GRIK5: variants seen among roughly 807,000 people sequenced by gnomAD.
The protein encoded by GRIK5 is glutamate ionotropic receptor kainate type subunit 5.
A neutral mutation model predicts 97.4 loss-of-function variants in GRIK5; 43 were observed. The ratio of observed to expected loss-of-function variants is 0.44; its 90% CI spans 0.35 to 0.57. The LOEUF is 0.57. Among genes scored for constraint, GRIK5 ranks in the 20% least tolerant of loss-of-function variants. GRIK5 has a pLI of 0.01. For synonymous variants in GRIK5, 580 were observed against 583.5 expected (o/e 0.99, Z 0.09); for missense variants, 1,015 against 1,382.0 (o/e 0.73, Z 4.21).
chr19:42,053,798 C>A (rs772987449), intron 10 of GRIK5, 27 bp downstream of exon 10: 1 of 1,569,694 alleles, frequency 6.4e-7, no homozygotes, highest in Non-Finnish European at 8.8e-7. Context: ...CCCAGCAGGG[C>A]TCTGGCGTCA....
chr19:42,030,767 G>C (rs921386197), intron 12 of GRIK5, among the ~76,000 whole-genome samples: 1 of 152,064 alleles, frequency 6.6e-6, no homozygotes, highest in Non-Finnish European at 1.5e-5. Context: ...TCTGGCAACC[G>C]GCGCTGTTTT....
Position 42,005,883 on chromosome 19 carries a change from G to T in GRIK5, c.2103C>A (p.Phe701Leu). ...NYMQSKQPSVFVKSTEEGIAR... is the reference protein window; with the variant it reads ...NYMQSKQPSVLVKSTEEGIAR... ...CAATGCCCTCTTCTGTGCTCTTGACGAACACGCTGGGCTGCTTCGACTGCA... is the reference window on the plus strand; with the variant it reads ...CAATGCCCTCTTCTGTGCTCTTGACTAACACGCTGGGCTGCTTCGACTGCA... The change falls in exon 17 of 20, where the codon TTC (phenylalanine) becomes TTA (leucine). Residue 701 changes from phenylalanine (F) to leucine (L), a missense_variant. By Grantham distance (22) the Phe-to-Leu change is conservative. Transcript: ENST00000593562. The T allele has an allele frequency of 6.2e-7, 1 of 1,610,688 alleles. No homozygotes were observed. The highest frequency in any genetic ancestry group is 1.1e-5 in the South Asian group (1 of 90,832).
chr19:42,063,034 G>C (rs1274025473), intron 3 of GRIK5, among the ~76,000 whole-genome samples, 179 bp from the exon 4 acceptor site: 4 of 152,202 alleles, frequency 2.6e-5, no homozygotes, highest in East Asian at 1.9e-4. Context: ...GTGAACATGA[G>C]GGGGCATGAG....
At position 42,003,226 on chromosome 19, in the gene GRIK5, G is replaced by T; in HGVS notation, c.2514+106C>A. 1 of 1,029,354 alleles carries T rather than the reference G, an allele frequency of 9.7e-7. No homozygotes were observed. Among genetic ancestry groups the T allele is most frequent in the Non-Finnish European group, 1.5e-6 (1 of 687,802 alleles). 63.8% of individuals were successfully genotyped at this position (1,029,354 alleles called of 1,614,324 possible). A position where few individuals can be genotyped will look rare whatever the true frequency, so the allele number is the denominator to read the frequency against. The stretch of plus-strand genomic sequence containing the variant: ...TCCTGCATTCCTCTGCCCCCTTCTC[G>T]CGATCCCCACCACCCTCCAGGTATG... On this transcript the variant is annotated intron_variant, in intron 19 of 19. Transcript: ENST00000593562. The surrounding 1 kb of genome is among the most constrained non-coding windows in gnomAD (Gnocchi z 4.2).
chr19:42,033,102 G>T (rs1333867039), intron 12 of GRIK5, among the ~76,000 whole-genome samples: 1 of 152,148 alleles, frequency 6.6e-6, no homozygotes, highest in African/African-American at 2.4e-5. Flanking sequence ...GGTGGATCAC[G>T]TGGTCAGGAG....
At chr19:42,068,863 G>T in intron 1 of GRIK5, 1 of 683,412 alleles carries the variant, frequency 1.5e-6, no homozygotes. Context: ...AAGGCCCACC[G>T]CAGGCAGAGG....
chr19:42,015,669 GTTTTCTC>G (rs1419976009), intron 15 of GRIK5, among the ~76,000 whole-genome samples: 1 of 152,204 alleles, frequency 6.6e-6, no homozygotes, highest in Non-Finnish European at 1.5e-5. Flanking sequence ...CTATGCAAGT[GTTTTCTC>G]TCATTGTCTT....
intron 12 of GRIK5, among the ~76,000 whole-genome samples, chr19:42,026,254 CT>C (rs1308144825): frequency 1.3e-5 from 2 of 152,132 alleles, no homozygotes; most frequent in Non-Finnish European, 2.9e-5. Context: ...TCCCAAAGTG[CT>C]TGGATTACAG....
At chr19:42,064,671 C>A (rs760710521) in intron 3 of GRIK5, among the ~76,000 whole-genome samples, 2 of 152,220 alleles carry the variant, frequency 1.3e-5, no homozygotes, top group African/African-American at 2.4e-5. Context: ...GGAAAGAAAC[C>A]TGTCTAAAAC....
chr19:42,055,151 G>A (rs111246596), intron 8 of GRIK5, among the ~76,000 whole-genome samples: 4 of 152,346 alleles, frequency 2.6e-5, no homozygotes, highest in African/African-American at 9.6e-5. Context: ...CACAGTTAGC[G>A]TCCCATACAC....
Position 42,042,447 on chromosome 19 carries a change from C to T in GRIK5, c.1473+105G>A. 3 of 994,448 alleles carry T rather than the reference C, an allele frequency of 3.0e-6. No homozygotes were observed. Among genetic ancestry groups the T allele is most frequent in the Non-Finnish European group, 4.5e-6 (3 of 662,942 alleles). 61.6% of individuals were successfully genotyped at this position (994,448 alleles called of 1,614,324 possible). The stretch of plus-strand genomic sequence containing the variant: ...GGGCCCTTCATGGCTCCTTCCTCTT[C>T]TGCCACCAGCCAGGCTGCTTCTGAG... On this transcript the variant is annotated intron_variant, in intron 12 of 19. Transcript: ENST00000593562. The surrounding 1 kb of genome is among the most constrained non-coding windows in gnomAD (Gnocchi z 6.9).
At chr19:42,055,262 G>C (rs1176076807) in intron 8 of GRIK5, among the ~76,000 whole-genome samples, 1 of 152,176 alleles carries the variant, frequency 6.6e-6, no homozygotes, top group Admixed American at 6.5e-5. Context: ...GTGTTGTGTA[G>C]ATGTGCACAG....
intron 8 of GRIK5, 122 bp from the exon 9 acceptor site, chr19:42,054,594 AACTGG>A: frequency 8.8e-7 from 1 of 1,135,866 alleles, no homozygotes; most frequent in Non-Finnish European, 1.2e-6. Flanking sequence ...AGGAATGGGA[AACTGG>A]GTGGGTCAGG....
At chr19:42,005,276 C>T (rs1192123316) in intron 17 of GRIK5, among the ~76,000 whole-genome samples, 1 of 151,228 alleles carries the variant, frequency 6.6e-6, no homozygotes, top group African/African-American at 2.4e-5. Context: ...CAAACTTGTC[C>T]TGAAATATAA....
At chr19:42,047,505 T>A (rs1354656738) in intron 11 of GRIK5, among the ~76,000 whole-genome samples, 1 of 152,140 alleles carries the variant, frequency 6.6e-6, no homozygotes, top group Non-Finnish European at 1.5e-5. Flanking sequence ...GCTATGGTAT[T>A]TAAGACACTG....
intron 15 of GRIK5, among the ~76,000 whole-genome samples, chr19:42,016,065 C>G (rs2075620227): frequency 6.6e-6 from 1 of 152,194 alleles, no homozygotes; most frequent in South Asian, 2.1e-4. Flanking sequence ...ACTGACTCAA[C>G]CTCTCCAGAA....
At chr19:42,005,634 C>G in intron 17 of GRIK5, 89 bp downstream of exon 17, 2 of 863,676 alleles carry the variant, frequency 2.3e-6, no homozygotes, top group Non-Finnish European at 3.8e-6. Context: ...CAGCCTGCCT[C>G]GGGGGTGCCT....
At chr19:42,030,697 C>A (rs554700598) in intron 12 of GRIK5, among the ~76,000 whole-genome samples, 1 of 152,038 alleles carries the variant, frequency 6.6e-6, no homozygotes, top group East Asian at 1.9e-4. Context: ...CTCCTGAGCT[C>A]AAGCAATCCT....
rs756026777 is a variant in GRIK5 at position 42,062,001 on chromosome 19, C to T, written c.508+487G>A. ...GCTCCCTGGGCCCTCTACCTCTGCC[C>T]GTCACACTTTCTACTTAGAACCTGT... On this transcript the variant is annotated intron_variant, in intron 5 of 19. Coordinates refer to ENST00000593562, the MANE Select transcript of GRIK5 (RefSeq NM_002088.5). This position sits in a 1 kb window ranked among gnomAD's most constrained non-coding sequence, Gnocchi z 5.3. Among the ~76,000 whole-genome samples, 2 of 152,206 alleles carry T rather than the reference C, an allele frequency of 1.3e-5. No individual in the cohort carries two copies. Among genetic ancestry groups the T allele is most frequent in the Admixed American group, 6.5e-5 (1 of 15,286 alleles).
Sources: allele counts gnomAD v4.1 joint callset (sites outside exome capture counted in the v4.1 genomes callset), GRCh38; gene constraint gnomAD v4.1.1; non-coding constraint Gnocchi (gnomAD v3.1); transcripts MANE v1.5; gene names NCBI Gene and HGNC (gene_info 2026-07-23, HGNC 2026-07-21).